The following EXOC6B variants were observed in gnomAD, a reference collection of about 807,000 sequenced individuals.
The protein encoded by EXOC6B is SEC15 homolog B.
In EXOC6B, 54 loss-of-function variants were observed where a neutral mutation model predicts 113.5. The observed-to-expected ratio is 0.48, with a 90% confidence interval of 0.38 to 0.60. The LOEUF (loss-of-function observed/expected upper bound fraction) is 0.60. Among genes scored for constraint, EXOC6B ranks in the 20% least tolerant of loss-of-function variants. The pLI, the probability that EXOC6B is intolerant of heterozygous loss-of-function variation, is 0.00. For synonymous variants in EXOC6B, 357 were observed against 339.0 expected, an observed-to-expected ratio of 1.05 and a Z score of -0.58; for missense variants, 797 against 977.5, an observed-to-expected ratio of 0.82 and a Z score of 2.46.
At chr2:72,302,011 G>A (rs996162514) in intron 20 of EXOC6B, among the ~76,000 whole-genome samples, 3 of 152,128 alleles carry the variant, frequency 2.0e-5, no homozygotes, top group Non-Finnish European at 4.4e-5. Context: ...TGCCTTAGTT[G>A]TGTCCCAGGG....
At chr2:72,524,102 C>A (rs1052780137) in intron 8 of EXOC6B, among the ~76,000 whole-genome samples, 1 of 151,118 alleles carries the variant, frequency 6.6e-6, no homozygotes, top group Non-Finnish European at 1.5e-5. Context: ...GCTGGAACTC[C>A]CTTTTAACTG....
chr2:72,382,234 TGCC>T (rs1412969756), intron 18 of EXOC6B, among the ~76,000 whole-genome samples: 1 of 152,216 alleles, frequency 6.6e-6, no homozygotes, highest in Non-Finnish European at 1.5e-5. Context: ...GGTCTGGCTA[TGCC>T]AACTGTGAAC....
intron 18 of EXOC6B, among the ~76,000 whole-genome samples, chr2:72,382,624 G>A (rs1484180158): frequency 2.0e-5 from 3 of 152,054 alleles, no homozygotes; most frequent in East Asian, 1.9e-4. Context: ...GAGCAGTATC[G>A]CCATTTTAAC....
intron 20 of EXOC6B, among the ~76,000 whole-genome samples, chr2:72,225,016 A>G (rs1420075180): frequency 1.4e-5 from 2 of 145,064 alleles, no homozygotes; most frequent in Non-Finnish European, 1.5e-5. Flanking sequence ...AAATACACAT[A>G]CTTTTTTTTT....
intron 6 of EXOC6B, among the ~76,000 whole-genome samples, chr2:72,696,670 T>C (rs1308903098): frequency 4.6e-5 from 7 of 152,190 alleles, no homozygotes; most frequent in Admixed American, 4.6e-4. Context: ...TTTAGTCTAC[T>C]GGGGAATAAG....
chr2:72,200,403 AG>A (rs1679420457), intron 20 of EXOC6B, among the ~76,000 whole-genome samples: 1 of 152,176 alleles, frequency 6.6e-6, no homozygotes, highest in Admixed American at 6.5e-5. Context: ...TGGTAGAGAC[AG>A]GGTTTTGCTA....
chr2:72,605,625 G>C (rs779797104), intron 6 of EXOC6B, among the ~76,000 whole-genome samples: 4 of 152,070 alleles, frequency 2.6e-5, no homozygotes, highest in African/African-American at 9.7e-5. Flanking sequence ...TGTTTGGTAG[G>C]AAGAATCACC....
At chr2:72,352,530 A>C (rs1456620028) in intron 19 of EXOC6B, among the ~76,000 whole-genome samples, 8 of 152,128 alleles carry the variant, frequency 5.3e-5, no homozygotes, top group Non-Finnish European at 1.2e-4. Context: ...ACATAAATGC[A>C]AATAGATTAA....
intron 6 of EXOC6B, among the ~76,000 whole-genome samples, chr2:72,663,811 T>C (rs768420925): frequency 6.6e-6 from 1 of 152,164 alleles, no homozygotes; most frequent in African/African-American, 2.4e-5. Flanking sequence ...CTATAGAATA[T>C]ACAATGCAAA....
intron 6 of EXOC6B, among the ~76,000 whole-genome samples, chr2:72,580,905 G>T (rs1705181024): frequency 6.6e-6 from 1 of 152,152 alleles, no homozygotes; most frequent in Admixed American, 6.5e-5. Flanking sequence ...GAGTCCCATG[G>T]ATTAAGCAAC....
At chr2:72,486,095 C>T (rs1046186282) in intron 16 of EXOC6B, among the ~76,000 whole-genome samples, 14 of 152,162 alleles carry the variant, frequency 9.2e-5, no homozygotes, top group Non-Finnish European at 1.8e-4. Context: ...CATGGCTGAG[C>T]GCAGTGGCTC....
intron 18 of EXOC6B, among the ~76,000 whole-genome samples, chr2:72,404,068 C>A (rs746543391): frequency 2.6e-5 from 4 of 152,206 alleles, no homozygotes; most frequent in Non-Finnish European, 1.5e-5. Flanking sequence ...TTATATCCTG[C>A]TCCTAGCTCG....
chr2:72,415,567 G>T (rs948666002), intron 18 of EXOC6B, among the ~76,000 whole-genome samples: 13 of 149,738 alleles, frequency 8.7e-5, no homozygotes, highest in Non-Finnish European at 1.9e-4. Context: ...AGATGCTACA[G>T]CTGTCTCACA....
intron 8 of EXOC6B, among the ~76,000 whole-genome samples, chr2:72,557,547 A>G (rs747943297): frequency 6.6e-6 from 1 of 152,214 alleles, no homozygotes; most frequent in Non-Finnish European, 1.5e-5. Flanking sequence ...TAATGCAGGA[A>G]CAGAAAAACA....
intron 19 of EXOC6B, among the ~76,000 whole-genome samples, chr2:72,344,384 T>G (rs776512040): frequency 3.3e-5 from 5 of 152,134 alleles, no homozygotes; most frequent in Non-Finnish European, 7.4e-5. Flanking sequence ...TTTATGAGAG[T>G]TGTTTTAAAG....
intron 1 of EXOC6B, among the ~76,000 whole-genome samples, chr2:72,763,428 C>CTTTTTTTTT (rs869206848): frequency 7.1e-6 from 1 of 141,228 alleles, no homozygotes. Flanking sequence ...CGTGTTTTTT[C>CTTTTTTTTT]TTTTTTTTTT....
intron 18 of EXOC6B, among the ~76,000 whole-genome samples, chr2:72,398,963 C>T (rs1692948423): frequency 6.7e-6 from 1 of 149,114 alleles, no homozygotes; most frequent in Non-Finnish European, 1.5e-5. Flanking sequence ...CTAATTCATT[C>T]TATGAAGCCA....
chr2:72,743,452 C>T (rs1024286060), intron 1 of EXOC6B, among the ~76,000 whole-genome samples: 2 of 152,126 alleles, frequency 1.3e-5, no homozygotes, highest in African/African-American at 4.8e-5. Context: ...TCCAGCTACC[C>T]TGGCTTTTTT....
chr2:72,242,974 A>T (rs944939166), intron 20 of EXOC6B, among the ~76,000 whole-genome samples: 1 of 152,094 alleles, frequency 6.6e-6, no homozygotes, highest in African/African-American at 2.4e-5. Context: ...GGCTTAAGAG[A>T]TCCTCCTTTT....
Sources: gnomAD v4.1 joint callset for allele counts (sites outside exome capture counted in the v4.1 genomes callset) on GRCh38, gnomAD v4.1.1 for gene constraint, MANE v1.5 for transcripts, NCBI Gene and HGNC (gene_info 2026-07-23, HGNC 2026-07-21) for gene names.